Variants in FURIN observed in about 807,000 individuals in gnomAD.
The protein encoded by FURIN is FES upstream region.
Under a neutral mutation model 89.2 loss-of-function variants are expected in FURIN, and 18 were observed. The observed-to-expected ratio is 0.20, with a 90% CI of 0.14 to 0.30. The LOEUF is 0.30. Among genes scored for constraint, FURIN ranks in the 10% least tolerant of loss-of-function variants. The pLI is 1.00. For synonymous variants in FURIN, 508 were observed against 466.4 expected (o/e 1.09, Z -1.15); for missense variants, 879 against 1,100.5 (o/e 0.80, Z 2.85).
chr15:90,877,739 TC>T, intron 7 of FURIN, 124 bp downstream of exon 7: 3 of 712,674 alleles, frequency 4.2e-6, no homozygotes, highest in Non-Finnish European at 7.0e-6. Flanking sequence ...ACGTGGCTGT[TC>T]CATGGAGGGT....
At position 90,877,250 on chromosome 15, in the gene FURIN, C is replaced by G. The variant is rs201836327; in HGVS notation, c.578+39C>G. 8.4e-4 allele frequency: 1,230 copies of G among 1,469,194 alleles called. 2 individuals are homozygous for G. Among genetic ancestry groups the G allele is most frequent in the Non-Finnish European group, 8.6e-4 (924 of 1,074,012 alleles). The allele number at this position is 1,469,194 out of a possible 1,614,324, so 91.0% of individuals were successfully genotyped here. A position where few individuals can be genotyped will look rare whatever the true frequency, so the allele number is the denominator to read the frequency against. ...GGCCCCGGTCTCTGCCTCCCTTCTC[C>G]TTTCTTCCACTAAGGAACAGGGCTG... On this transcript the variant is annotated intron_variant, in intron 6 of 15. Transcript: ENST00000268171.
chr15:90,875,846 G>C lies in FURIN; in HGVS notation c.106G>C (p.Val36Leu). ...GQKVFTNTWA[V>L]RIPGGPAVAN... The stretch of plus-strand genomic sequence containing the variant: ...GAAGGTCTTCACCAACACGTGGGCT[G>C]TGCGCATCCCTGGAGGCCCAGCGGT... The change falls in exon 2 of 16, where the codon GTG becomes CTG. Residue 36 changes from valine (V) to leucine (L), a missense_variant. Around this residue, in one of 5 missense-constraint regions of FURIN, gnomAD observed 125 missense variants for 125.0 expected, o/e 1.00. Transcript: ENST00000268171. The C allele has an allele frequency of 1.5e-5, 24 of 1,580,838 alleles. No individual in the cohort carries two copies. The highest frequency in any genetic ancestry group is 1.9e-5 in the Non-Finnish European group (22 of 1,163,792).
rs1368178682 is a variant in FURIN at position 90,879,979 on chromosome 15, G to A, written c.1371G>A (p.Glu457=). The change falls in exon 12 of 16, where the codon GAG becomes GAA. Residue 457 remains glutamate, a synonymous_variant. Transcript: ENST00000268171. The stretch of plus-strand genomic sequence containing the variant: ...AGTGCATCATCGACATCCTCACCGA[G>A]CCCAAGTGAGGGCTGGACCCAGGCT... ...QRKCIIDILT[E]PKDIGKRLEV... The A allele has an allele frequency of 3.1e-6, 5 of 1,612,542 alleles. No homozygotes were observed. The South Asian group carries it at 4.4e-5, about 14-fold the overall frequency.
rs755584059 is a variant in FURIN at position 90,877,645 on chromosome 15, C to G, written c.667+30C>G. On this transcript the variant is annotated intron_variant, in intron 7 of 15. Transcript: ENST00000268171. The stretch of plus-strand genomic sequence containing the variant: ...GTGTGGGCCTGGGCCACCCTGTCTT[C>G]AGGAGGGCCCTTCAGTGGAATTTTT... 4.1e-6 allele frequency: 6 copies of G among 1,449,990 alleles called. No homozygotes were observed. In the East Asian group the frequency reaches 1.2e-4, roughly 30 times the overall value. 89.8% of individuals were successfully genotyped at this position (1,449,990 alleles called of 1,614,324 possible).
In FURIN at chr15:90,881,080, T is replaced by G. The variant is rs2151228741; in HGVS notation, c.1792+40T>G. ...CTGTTGGGCTTTGGGGGCCTGAGTC[T>G]GGGGGTAAGGCGGGTGCCTGTCCTG... On this transcript the variant is annotated intron_variant, in intron 15 of 15. Transcript: ENST00000268171. This position sits in a 1 kb window ranked among gnomAD's most constrained non-coding sequence, Gnocchi z 4.3. The G allele has an allele frequency of 6.8e-7, 1 of 1,460,490 alleles. No homozygotes were observed. The highest frequency in any genetic ancestry group is 9.6e-7 in the Non-Finnish European group (1 of 1,039,894). The allele number at this position is 1,460,490 out of a possible 1,614,324, so 90.5% of individuals were successfully genotyped here. A position where few individuals can be genotyped will look rare whatever the true frequency, so the allele number is the denominator to read the frequency against.
At position 90,876,734 on chromosome 15, in the gene FURIN, A is replaced by G. The variant is rs997087524; in HGVS notation, c.373-162A>G. On this transcript the variant is annotated intron_variant, in intron 4 of 15. Coordinates refer to ENST00000268171, the MANE Select transcript of FURIN (RefSeq NM_002569.4). This position sits in a 1 kb window ranked among gnomAD's most constrained non-coding sequence, Gnocchi z 5.0. ...GCAAGCCTGGGGGTGGCCCTCCCAGAGTCCTCTACATTCCCATGGAGTCCA... is the reference window on the plus strand; with the variant it reads ...GCAAGCCTGGGGGTGGCCCTCCCAGGGTCCTCTACATTCCCATGGAGTCCA... 6.6e-6 allele frequency among the ~76,000 whole-genome samples: 1 copy of G among 152,146 alleles called. No homozygotes were observed. Among genetic ancestry groups the G allele is most frequent in the Non-Finnish European group, 1.5e-5 (1 of 68,016 alleles).
chr15:90,880,702 ACTC>A lies in FURIN; in HGVS notation c.1570_1572del (p.Ser524del). ...ACTCCCCTCCCCAGGCCACATGACT[ACTC>A]CGCAGATGGGTTTAATGACTGGGCC... On this transcript the variant is annotated inframe_deletion, in exon 14 of 16. Coordinates refer to ENST00000268171, the MANE Select transcript of FURIN (RefSeq NM_002569.4). The A allele has an allele frequency of 6.2e-7, 1 of 1,613,350 alleles. No individual in the cohort carries two copies. Among genetic ancestry groups the A allele is most frequent in the East Asian group, 2.2e-5 (1 of 44,868 alleles).
chr15:90,873,477 G>A (rs537478119), intron 1 of FURIN, among the ~76,000 whole-genome samples: 9 of 152,196 alleles, frequency 5.9e-5, no homozygotes, highest in Non-Finnish European at 1.0e-4. Flanking sequence ...CTCACAGCAC[G>A]GTGGTTGGTG....
At chr15:90,873,126 G>A (rs2031410166) in intron 1 of FURIN, 3 of 152,230 alleles carry the variant, frequency 2.0e-5, no homozygotes, top group African/African-American at 7.2e-5. Flanking sequence ...ATGGGGGTGG[G>A]GAGAAACCCA....
intron 7 of FURIN, 22 bp downstream of exon 7, chr15:90,877,637 C>T (rs767192444): frequency 7.9e-6 from 12 of 1,512,484 alleles, no homozygotes; most frequent in Non-Finnish European, 1.1e-5. Flanking sequence ...CCTGGGCCAC[C>T]CTGTCTTCAG....
chr15:90,879,340 C>T (rs1009391500), intron 9 of FURIN, 104 bp from the exon 10 acceptor site: 10 of 858,426 alleles, frequency 1.2e-5, no homozygotes, highest in Non-Finnish European at 1.7e-5. Context: ...GCTCCCCATA[C>T]CATCTGTGGT....
chr15:90,879,312 C>T (rs1272051161), intron 9 of FURIN, 132 bp from the exon 10 acceptor site: 2 of 704,652 alleles, frequency 2.8e-6, no homozygotes, highest in African/African-American at 3.6e-5. Context: ...CAGCTGGGAC[C>T]TGGGGTTCTT....
In FURIN at chr15:90,881,927, T is replaced by C; in HGVS notation, c.*49T>C. 2 of 1,287,158 alleles carry C rather than the reference T, an allele frequency of 1.6e-6. No individual in the cohort carries two copies. Among genetic ancestry groups the C allele is most frequent in the Non-Finnish European group, 2.2e-6 (2 of 914,150 alleles). 79.7% of individuals were successfully genotyped at this position (1,287,158 alleles called of 1,614,324 possible). On this transcript the variant is annotated 3_prime_UTR_variant, in exon 16 of 16. Transcript: ENST00000268171. The surrounding 1 kb of genome is among the most constrained non-coding windows in gnomAD (Gnocchi z 4.3). The stretch of plus-strand genomic sequence containing the variant: ...AGCCAATCCCCTCCTTGGGCACTTT[T>C]TAATTCACCAAAGTATTTTTTTATC...
At chr15:90,874,368 C>G (rs1475201273) in intron 1 of FURIN, among the ~76,000 whole-genome samples, 1 of 152,248 alleles carries the variant, frequency 6.6e-6, no homozygotes, top group African/African-American at 2.4e-5. Flanking sequence ...GGGCGTGGAG[C>G]AAGCAAGGGG....
chr15:90,882,332 C>T lies in FURIN; in HGVS notation c.*454C>T, dbSNP rs188064567. ...ACCTCTCCAAGGGCTTCTGCACCCT[C>T]CACCCTGTCCCCCAGCTCTGGTGAG... On this transcript the variant is annotated 3_prime_UTR_variant, in exon 16 of 16. Transcript: ENST00000268171. 4.6e-4 allele frequency: 80 copies of T among 174,064 alleles called. 1 individual carries two copies. Among genetic ancestry groups the T allele is most frequent in the Admixed American group, 3.9e-3 (71 of 18,228 alleles). The allele number at this position is 174,064 out of a possible 1,614,324, so 10.8% of individuals were successfully genotyped here.
intron 1 of FURIN, among the ~76,000 whole-genome samples, chr15:90,869,461 C>A (rs2031186104): frequency 1.3e-5 from 2 of 152,200 alleles, no homozygotes; most frequent in Admixed American, 1.3e-4. Context: ...TTCTTTTTAG[C>A]AGCAGAATTG....
At position 90,880,235 on chromosome 15, in the gene FURIN, C is replaced by T. The variant is rs753297000; in HGVS notation, c.1518C>T (p.Val506=). 2 of 1,611,708 alleles carry T rather than the reference C, an allele frequency of 1.2e-6. No homozygotes were observed. Among genetic ancestry groups the T allele is most frequent in the Non-Finnish European group, 1.7e-6 (2 of 1,179,280 alleles). The change falls in exon 13 of 16, where the codon GTC becomes GTT. Residue 506 remains valine, a synonymous_variant. Coordinates refer to ENST00000268171, the MANE Select transcript of FURIN (RefSeq NM_002569.4). ...NRRGDLAIHL[V]SPMGTRSTLL... ...GTGGCGACCTGGCCATCCACCTGGT[C>T]AGCCCCATGGGCACCCGCTCCACCC... is the stretch of plus-strand genomic sequence containing the variant.
chr15:90,881,353 C>G lies in FURIN; in HGVS notation c.1860C>G (p.Pro620=). Residue 620 remains proline (P), a synonymous_variant, in exon 16 of 16, where the codon CCC becomes CCG. Coordinates refer to ENST00000268171, the MANE Select transcript of FURIN (RefSeq NM_002569.4). This position sits in a 1 kb window ranked among gnomAD's most constrained non-coding sequence, Gnocchi z 4.3. ...CVQHCPPGFA[P]QVLDTHYSTE... ...AGCACTGCCCTCCAGGGTTCGCCCC[C>G]CAAGTCCTCGATACGCACTATAGCA... 1 of 1,613,054 alleles carries G rather than the reference C, an allele frequency of 6.2e-7. No homozygotes were observed. The highest frequency in any genetic ancestry group is 1.3e-5 in the African/African-American group (1 of 75,040).
intron 1 of FURIN, among the ~76,000 whole-genome samples, chr15:90,872,679 G>A (rs934826822): frequency 2.6e-5 from 4 of 152,212 alleles, no homozygotes; most frequent in Non-Finnish European, 5.9e-5. Flanking sequence ...TGAGGCCCAG[G>A]GAGAGGAAGT....
Sources: allele counts gnomAD v4.1 joint callset (sites outside exome capture counted in the v4.1 genomes callset), GRCh38; gene constraint gnomAD v4.1.1; regional missense constraint gnomAD v4.1.1; non-coding constraint Gnocchi (gnomAD v3.1); transcripts MANE v1.5; gene names NCBI Gene and HGNC (gene_info 2026-07-23, HGNC 2026-07-21).